Variants in CPNE9 observed in about 807,000 individuals in gnomAD.
CPNE9 encodes the protein copine-9.
CPNE9 carries 59 observed loss-of-function variants against 83.0 expected under a neutral mutation model. That is an observed-to-expected ratio of 0.71 (90% CI 0.58 to 0.88). The LOEUF is 0.88. Ranked by LOEUF, CPNE9 falls within the 40% of genes least tolerant of loss-of-function variation. The pLI is 0.00. For missense variants in CPNE9, 619 were observed against 720.8 expected (o/e 0.86, Z 1.62); for synonymous variants, 256 against 273.4 (o/e 0.94, Z 0.63).
At chr3:9,705,620 C>T in intron 5 of CPNE9, 98 bp from the exon 6 acceptor site, 1 of 1,570,188 alleles carries the variant, frequency 6.4e-7, no homozygotes, top group Non-Finnish European at 8.8e-7. Flanking sequence ...GGCCCCCAAC[C>T]CACCCTCCTG....
At chr3:9,719,619 C>T (rs994847284) in intron 17 of CPNE9, among the ~76,000 whole-genome samples, 4 of 152,138 alleles carry the variant, frequency 2.6e-5, no homozygotes, top group African/African-American at 9.7e-5. Context: ...AGTATTAGCA[C>T]AGTGTCTGGC....
chr3:9,723,633 C>T (rs528196673), intron 17 of CPNE9, among the ~76,000 whole-genome samples: 9 of 152,232 alleles, frequency 5.9e-5, no homozygotes, highest in Admixed American at 2.0e-4. Flanking sequence ...CATCATGGCT[C>T]ACTGGGCTCA....
intron 7 of CPNE9, among the ~76,000 whole-genome samples, chr3:9,708,215 G>T (rs1035336262): frequency 6.6e-6 from 1 of 152,188 alleles, no homozygotes; most frequent in African/African-American, 2.4e-5. Flanking sequence ...GCCTCCCAAA[G>T]TGCTGGGATT....
chr3:9,725,870 G>A, intron 17 of CPNE9, 79 bp from the exon 18 acceptor site: 1 of 1,072,612 alleles, frequency 9.3e-7, no homozygotes, highest in Non-Finnish European at 1.5e-6. Flanking sequence ...CCACACACTG[G>A]CTGTGGAAGC....
At chr3:9,705,936 G>C (rs1173595848) in intron 6 of CPNE9, 51 bp from the exon 7 acceptor site, 5 of 1,584,334 alleles carry the variant, frequency 3.2e-6, no homozygotes, top group Non-Finnish European at 4.3e-6. Context: ...GGCTAGGCTG[G>C]GACTCAGCAC....
chr3:9,722,079 G>A (rs1378218314), intron 17 of CPNE9, among the ~76,000 whole-genome samples: 2 of 151,896 alleles, frequency 1.3e-5, no homozygotes, highest in East Asian at 1.9e-4. Flanking sequence ...CACCATGCCC[G>A]GCTAATTTTT....
At chr3:9,720,006 T>C (rs2076720555) in intron 17 of CPNE9, among the ~76,000 whole-genome samples, 1 of 149,522 alleles carries the variant, frequency 6.7e-6, no homozygotes, top group African/African-American at 2.5e-5. Context: ...AATATATATA[T>C]ATACATATAT....
At chr3:9,725,386 G>C (rs1317705405) in intron 17 of CPNE9, among the ~76,000 whole-genome samples, 5 of 151,664 alleles carry the variant, frequency 3.3e-5, no homozygotes, top group African/African-American at 7.3e-5. Flanking sequence ...AATATAAAAA[G>C]TAGCCAGGTG....
At position 9,714,968 on chromosome 3, in the gene CPNE9, C is replaced by A. The variant is rs777333145; in HGVS notation, c.692+13C>A. On this transcript the variant is annotated intron_variant, in intron 11 of 20. Transcript: ENST00000383832. The stretch of plus-strand genomic sequence containing the variant: ...ACCGGGATGGAAGGTAGAACTGCCC[C>A]ACATGGTCCCTTCTCCTGTACTTGA... 1 of 1,611,840 alleles carries A rather than the reference C, an allele frequency of 6.2e-7. No homozygotes were observed. Among genetic ancestry groups the A allele is most frequent in the South Asian group, 1.1e-5 (1 of 91,014 alleles).
chr3:9,709,493 C>T (rs1015049669), intron 7 of CPNE9, among the ~76,000 whole-genome samples: 1 of 150,374 alleles, frequency 6.7e-6, no homozygotes, highest in Non-Finnish European at 1.5e-5. Context: ...CTCAGCCTCC[C>T]GAGTAGCTTG....
At chr3:9,708,119 A>T (rs1400852659) in intron 7 of CPNE9, among the ~76,000 whole-genome samples, 2 of 152,148 alleles carry the variant, frequency 1.3e-5, no homozygotes, top group Non-Finnish European at 2.9e-5. Flanking sequence ...GCTAATTTTT[A>T]AATTATTTTT....
rs903161485 is a variant in CPNE9, at chr3:9,708,340, G to A, written c.377+2277G>A. Among the ~76,000 whole-genome samples, 10 of 151,994 alleles carry A rather than the reference G, an allele frequency of 6.6e-5. No homozygotes were observed. In the South Asian group the frequency reaches 8.3e-4, roughly 13 times the overall value. On this transcript the variant is annotated intron_variant, in intron 7 of 20. Transcript: ENST00000383832. ...GAGAAAAAGAGAGAAAGAGGGAGAC[G>A]AGAGAGAGAGAACCAAAGGCCAAGG...
chr3:9,707,245 T>C (rs2125460139), intron 7 of CPNE9, among the ~76,000 whole-genome samples: 1 of 143,930 alleles, frequency 6.9e-6, no homozygotes, highest in African/African-American at 2.6e-5. Context: ...CCCAGCTGCT[T>C]GGGAGGCTGA....
chr3:9,726,006 T>A lies in CPNE9; in HGVS notation c.1299T>A (p.Asp433Glu). ...SQYYVLLIITDGVISDMTQTK... is the reference protein window; with the variant it reads ...SQYYVLLIITEGVISDMTQTK... The stretch of plus-strand genomic sequence containing the variant: ...ACTATGTTCTGCTCATCATCACTGA[T>A]GGGGTCATCTCTGACATGACGCAGA... The change falls in exon 18 of 21, where the codon GAT becomes GAA. Residue 433 changes from aspartate to glutamate, a missense_variant. Around this residue, in one of 3 missense-constraint regions of CPNE9, gnomAD observed 438 missense variants for 562.9 expected, o/e 0.78. Transcript: ENST00000383832. 1 of 1,612,174 alleles carries A rather than the reference T, an allele frequency of 6.2e-7. No individual in the cohort carries two copies. The highest frequency in any genetic ancestry group is 8.5e-7 in the Non-Finnish European group (1 of 1,179,080).
chr3:9,725,722 A>ATATG (rs2076778542), intron 17 of CPNE9, among the ~76,000 whole-genome samples: 1 of 145,656 alleles, frequency 6.9e-6, no homozygotes, highest in South Asian at 2.1e-4. Flanking sequence ...ATATGTGTAT[A>ATATG]TGTATATATT....
Position 9,704,776 on chromosome 3 carries a change from C to A in CPNE9, c.137C>A (p.Ala46Asp), listed in dbSNP as rs746452941. Residue 46 changes from alanine (A) to aspartate (D), a missense_variant, in exon 3 of 21, where the codon GCC becomes GAC. Transcript: ENST00000383832. This position sits in a 1 kb window ranked among gnomAD's most constrained non-coding sequence, Gnocchi z 7.1. ...GTGGTGCTTTACACGCAGAGCCGGG[C>A]CAGCCAGGAGTGGCGGGAGGTGAGT... ...PMVVLYTQSRASQEWREFGRT... is the reference protein window; with the variant it reads ...PMVVLYTQSRDSQEWREFGRT... 1 of 1,611,764 alleles carries A rather than the reference C, an allele frequency of 6.2e-7. No individual in the cohort carries two copies. The highest frequency in any genetic ancestry group is 8.5e-7 in the Non-Finnish European group (1 of 1,179,380).
intron 20 of CPNE9, 39 bp from the exon 21 acceptor site, chr3:9,729,468 T>G: frequency 6.4e-7 from 1 of 1,572,180 alleles, no homozygotes; most frequent in Non-Finnish European, 8.7e-7. Context: ...CCCTCTCTCC[T>G]GGTCATGGCT....
chr3:9,723,477 A>G (rs1194564403), intron 17 of CPNE9, among the ~76,000 whole-genome samples: 1 of 152,122 alleles, frequency 6.6e-6, no homozygotes, highest in Admixed American at 6.5e-5. Context: ...GTCTCAAAAA[A>G]AAAAAGAAAA....
intron 19 of CPNE9, 129 bp from the exon 20 acceptor site, chr3:9,726,984 A>G (rs1470491283): frequency 4.1e-6 from 4 of 981,558 alleles, no homozygotes; most frequent in Non-Finnish European, 6.4e-6. Context: ...ACGAAGACTG[A>G]TATTTGTAGG....
Sources: gnomAD v4.1 joint callset for allele counts (sites outside exome capture counted in the v4.1 genomes callset) on GRCh38, gnomAD v4.1.1 for gene constraint, gnomAD v4.1.1 regional missense constraint, Gnocchi (gnomAD v3.1) non-coding constraint, MANE v1.5 for transcripts, NCBI Gene and HGNC (gene_info 2026-07-23, HGNC 2026-07-21) for gene names.